DPP6: variants seen among roughly 807,000 people sequenced by gnomAD.
DPP6 encodes A-type potassium channel modulatory protein DPP6.
A neutral mutation model predicts 122.6 loss-of-function variants in DPP6; 69 were observed. That is an observed-to-expected ratio of 0.56 (90% CI 0.46 to 0.69). The LOEUF (loss-of-function observed/expected upper bound fraction) is 0.69, where lower values mean the gene tolerates loss of function less well. DPP6 is among the 30% of genes least tolerant of loss of function. The pLI is 0.00. For missense variants in DPP6, 928 were observed against 1,116.9 expected (o/e 0.83, Z 2.41); for synonymous variants, 418 against 433.1 (o/e 0.97, Z 0.43).
Position 154,868,101 on chromosome 7 carries a change from C to T in DPP6, c.1813+8C>T. 1 of 1,594,894 alleles carries T rather than the reference C, an allele frequency of 6.3e-7. No homozygotes were observed. Among genetic ancestry groups the T allele is most frequent in the Non-Finnish European group, 8.5e-7 (1 of 1,170,562 alleles). On this transcript the variant is annotated splice_region_variant and intron_variant, in intron 18 of 25. Transcript: ENST00000377770. ...TTGAGATTGATGATTACAGTAAGTA[C>T]TACGTTTTTCCCCTCTAAAAGAAAA...
the DPP6 span, among the ~76,000 whole-genome samples, chr7:153,864,205 T>C: frequency 6.6e-6 from 1 of 152,202 alleles, no homozygotes; most frequent in African/African-American, 2.4e-5. Context: ...CCACCGGTAA[T>C]GTATGGGTTC....
intron 8 of DPP6, among the ~76,000 whole-genome samples, chr7:154,768,459 G>A (rs1214565444): frequency 2.0e-5 from 3 of 152,168 alleles, no homozygotes; most frequent in African/African-American, 4.8e-5. Context: ...TGGGACTCAT[G>A]AATTATATTA....
intron 1 of DPP6, among the ~76,000 whole-genome samples, chr7:154,132,984 A>G (rs1795365144): frequency 6.7e-6 from 1 of 149,982 alleles, no homozygotes; most frequent in Non-Finnish European, 1.5e-5. Context: ...TTAAATGACC[A>G]CTCCTTCCTT....
rs1342124444 is a variant in DPP6 at position 154,157,800 on chromosome 7, G to T, written c.243+104737G>T. Among the ~76,000 whole-genome samples, 7 of 151,918 alleles carry T rather than the reference G, an allele frequency of 4.6e-5. No homozygotes were observed. The East Asian group carries it at 1.4e-3, about 30-fold the overall frequency. Reference sequence around the variant, plus strand: ...AATGCAAAATTAGCTGGGCGTGGTGGCACATGCCTGTAATCCCAACTACTC... The same window carrying T: ...AATGCAAAATTAGCTGGGCGTGGTGTCACATGCCTGTAATCCCAACTACTC... On this transcript the variant is annotated intron_variant, in intron 1 of 25. Coordinates refer to ENST00000377770, the MANE Select transcript of DPP6 (RefSeq NM_130797.4).
chr7:153,924,379 A>T (rs1233055767), intron 1 of DPP6, among the ~76,000 whole-genome samples: 2 of 152,158 alleles, frequency 1.3e-5, no homozygotes, highest in Admixed American at 6.5e-5. Context: ...AAGTGCTGGG[A>T]TTACAGGCGT....
In DPP6 at chr7:154,879,523, G is replaced by A. The variant is rs1162337641; in HGVS notation, c.2079-1365G>A. Among the ~76,000 whole-genome samples, 9 of 138,796 alleles carry A rather than the reference G, an allele frequency of 6.5e-5. 2 individuals carry two copies. In the South Asian group the frequency reaches 6.9e-4, roughly 11 times the overall value. The allele number at this position is 138,796 out of a possible 152,430, so 91.1% of individuals were successfully genotyped here. On this transcript the variant is annotated intron_variant, in intron 20 of 25. Coordinates refer to ENST00000377770, the MANE Select transcript of DPP6 (RefSeq NM_130797.4). ...GAGAATGGCGTGAACCCCAGGGGGC[G>A]GAGCCTGCAGTGAGCCGAGATTGTG...
the DPP6 span, among the ~76,000 whole-genome samples, chr7:153,838,923 A>G: frequency 3.3e-5 from 5 of 152,230 alleles, no homozygotes; most frequent in Admixed American, 2.0e-4. Context: ...CGTGAATGAT[A>G]TTCAGTACCC....
intron 1 of DPP6, among the ~76,000 whole-genome samples, chr7:154,351,787 G>A (rs1393636426): frequency 6.6e-6 from 1 of 152,208 alleles, no homozygotes; most frequent in African/African-American, 2.4e-5. Flanking sequence ...GGACTCCAGA[G>A]CCTGCATGGG....
At chr7:153,923,743 A>G (rs1270223028) in intron 1 of DPP6, among the ~76,000 whole-genome samples, 13 of 136,818 alleles carry the variant, frequency 9.5e-5, no homozygotes, top group Admixed American at 7.2e-4. Context: ...CCTGGGCAAC[A>G]GAGCGAGACT....
chr7:154,378,573 G>A (rs1813319092), intron 1 of DPP6, among the ~76,000 whole-genome samples: 1 of 152,134 alleles, frequency 6.6e-6, no homozygotes, highest in African/African-American at 2.4e-5. Context: ...CCTTCTTGTT[G>A]TAGCCTTACA....
intron 17 of DPP6, among the ~76,000 whole-genome samples, chr7:154,861,013 T>A (rs1030744191): frequency 6.6e-6 from 1 of 152,114 alleles, no homozygotes; most frequent in African/African-American, 2.4e-5. Context: ...AGAAAAAAAA[T>A]TTCGAAAGCA....
rs556263801 is a variant in DPP6, at chr7:154,152,277, C to T, written c.243+99214C>T. On this transcript the variant is annotated intron_variant, in intron 1 of 25. Coordinates refer to ENST00000377770, the MANE Select transcript of DPP6 (RefSeq NM_130797.4). Reference sequence around the variant, plus strand: ...TTCACAGGAGGCAGCTGCTGCCTGTCCAGCACATGAACCAGGGGTACAGGG... The same window carrying T: ...TTCACAGGAGGCAGCTGCTGCCTGTTCAGCACATGAACCAGGGGTACAGGG... Among the ~76,000 whole-genome samples, 76 of 152,186 alleles carry T rather than the reference C, an allele frequency of 5.0e-4. 1 individual carries two copies. The highest frequency in any genetic ancestry group is 1.8e-3 in the African/African-American group (73 of 41,524).
At chr7:153,988,663 C>A (rs1332193920) in intron 1 of DPP6, among the ~76,000 whole-genome samples, 1 of 152,154 alleles carries the variant, frequency 6.6e-6, no homozygotes, top group Non-Finnish European at 1.5e-5. Flanking sequence ...GTGCTCCAAG[C>A]GGTGCTTCCT....
intron 5 of DPP6, among the ~76,000 whole-genome samples, chr7:154,577,487 G>T (rs1020553261): frequency 6.6e-6 from 1 of 152,110 alleles, no homozygotes; most frequent in South Asian, 2.1e-4. Flanking sequence ...AAGCCGTGTG[G>T]GGTGTCTGTG....
chr7:154,854,548 T>C (rs1802664757), intron 17 of DPP6, among the ~76,000 whole-genome samples: 1 of 152,000 alleles, frequency 6.6e-6, no homozygotes, highest in African/African-American at 2.4e-5. Context: ...CGGAGGGTGA[T>C]CAGATATCAG....
At chr7:154,137,983 T>A (rs1200529875) in intron 1 of DPP6, among the ~76,000 whole-genome samples, 2 of 152,176 alleles carry the variant, frequency 1.3e-5, no homozygotes, top group African/African-American at 4.8e-5. Flanking sequence ...ACACAATTCC[T>A]GGGGTCAGGG....
chr7:154,625,083 C>T (rs1188592714), intron 5 of DPP6, among the ~76,000 whole-genome samples: 3 of 152,250 alleles, frequency 2.0e-5, no homozygotes, highest in South Asian at 4.1e-4. Flanking sequence ...TAGGAGAAAA[C>T]AATGAGTCAG....
At chr7:154,746,641 A>G (rs539315759) in intron 8 of DPP6, among the ~76,000 whole-genome samples, 1 of 152,358 alleles carries the variant, frequency 6.6e-6, no homozygotes, top group South Asian at 2.1e-4. Flanking sequence ...GCATTAGGAG[A>G]AAAGAGATCA....
At chr7:153,974,789 G>A (rs1233023224) in intron 1 of DPP6, among the ~76,000 whole-genome samples, 3 of 152,140 alleles carry the variant, frequency 2.0e-5, no homozygotes, top group African/African-American at 7.2e-5. Context: ...CTGGTGCAAG[G>A]CAGTCAGCTG....
Sources: gnomAD v4.1 joint callset for allele counts (sites outside exome capture counted in the v4.1 genomes callset) on GRCh38, gnomAD v4.1.1 for gene constraint, MANE v1.5 for transcripts, NCBI Gene and HGNC (gene_info 2026-07-23, HGNC 2026-07-21) for gene names.